The following DAPK2 variants were observed in gnomAD, a reference collection of about 807,000 sequenced individuals.
The protein encoded by DAPK2 is death-associated protein kinase 2.
Under a neutral mutation model 44.1 loss-of-function variants are expected in DAPK2, and 35 were observed. The ratio of observed to expected loss-of-function variants is 0.79; its 90% CI spans 0.61 to 1.05. The LOEUF (loss-of-function observed/expected upper bound fraction) is 1.05. Among genes scored for constraint, DAPK2 ranks in the 50% least tolerant of loss-of-function variants. DAPK2 has a pLI of 0.00. For missense variants in DAPK2, 453 were observed against 483.2 expected (o/e 0.94, Z 0.59); for synonymous variants, 174 against 182.6 (o/e 0.95, Z 0.38).
At chr15:64,028,045 T>TCTCTCTAC (rs1567283544) in intron 1 of DAPK2, among the ~76,000 whole-genome samples, 1 of 151,796 alleles carries the variant, frequency 6.6e-6, no homozygotes, top group East Asian at 1.9e-4. Flanking sequence ...TATCTATCTA[T>TCTCTCTAC]CTATCTATCT....
At chr15:64,012,521 G>A (rs1220222834) in intron 1 of DAPK2, among the ~76,000 whole-genome samples, 1 of 152,196 alleles carries the variant, frequency 6.6e-6, no homozygotes. Context: ...TGTCTATCAA[G>A]ACGGTACTGC....
intron 8 of DAPK2, 36 bp downstream of exon 9, chr15:63,924,780 C>A: frequency 6.2e-7 from 1 of 1,613,304 alleles, no homozygotes; most frequent in Non-Finnish European, 8.5e-7. Flanking sequence ...AGAGCAGGGA[C>A]CCTTTGCCCA....
Position 64,035,151 on chromosome 15 carries a change from G to A in DAPK2, c.92+5019C>T, listed in dbSNP as rs141326190. On this transcript the variant is annotated intron_variant, in intron 1 of 10. Transcript: ENST00000261891. The stretch of plus-strand genomic sequence containing the variant: ...CAACTGCACTCCAGCCTGGGCGACA[G>A]AATGAGGCTCCATCTCAAAAAAAAA... 6.0e-3 allele frequency among the ~76,000 whole-genome samples: 900 copies of A among 148,982 alleles called. 6 individuals are homozygous for A. The highest frequency in any genetic ancestry group is 0.028 in the Middle Eastern group (8 of 290).
In DAPK2 at chr15:63,939,384, A is replaced by T. The variant is rs780185443; in HGVS notation, c.454-23T>A. 2 of 1,566,130 alleles carry T rather than the reference A, an allele frequency of 1.3e-6. No homozygotes were observed. Among genetic ancestry groups the T allele is most frequent in the Non-Finnish European group, 1.7e-6 (2 of 1,163,752 alleles). Reference sequence around the variant, plus strand: ...TGGCTGGACAACAAAAAGTAGAAAAAAAAAAAAGGAAGGAAGAAAAGAAAA... The same window carrying T: ...TGGCTGGACAACAAAAAGTAGAAAATAAAAAAAGGAAGGAAGAAAAGAAAA... On this transcript the variant is annotated intron_variant, in intron 3 of 10. Transcript: ENST00000261891. This position sits in a 1 kb window ranked among gnomAD's most constrained non-coding sequence, Gnocchi z 4.3.
intron 6 of DAPK2, among the ~76,000 whole-genome samples, chr15:63,928,859 G>A (rs1189398351): frequency 6.6e-6 from 1 of 152,164 alleles, no homozygotes; most frequent in African/African-American, 2.4e-5. Flanking sequence ...AAAGAAAGAA[G>A]AGGCAAGATT....
At chr15:64,000,985 T>G (rs1483936543) in intron 1 of DAPK2, among the ~76,000 whole-genome samples, 1 of 152,078 alleles carries the variant, frequency 6.6e-6, no homozygotes, top group Non-Finnish European at 1.5e-5. Flanking sequence ...GTTCAAGCGA[T>G]TCTCCTGCCT....
Position 64,002,096 on chromosome 15 carries a change from G to T in DAPK2, c.93-18342C>A, listed in dbSNP as rs1248560769. On this transcript the variant is annotated intron_variant, in intron 1 of 10. Coordinates refer to ENST00000261891, the Ensembl canonical transcript of DAPK2. ...TTTTACACTCTCAAATCCTTGGGAG[G>T]CTCATGGGGACAGGTATTGCCAACT... is the stretch of plus-strand genomic sequence containing the variant. Among the ~76,000 whole-genome samples the T allele has an allele frequency of 5.9e-5, 9 of 152,178 alleles. No individual in the cohort carries two copies. In the East Asian group the frequency reaches 1.5e-3, roughly 26 times the overall value.
At chr15:64,005,239 G>T (rs1450317197) in intron 1 of DAPK2, among the ~76,000 whole-genome samples, 3 of 152,000 alleles carry the variant, frequency 2.0e-5, no homozygotes, top group Admixed American at 2.0e-4. Context: ...CTCAGGAGGG[G>T]TATCCAGTTA....
chr15:64,039,114 G>C (rs527552635), intron 1 of DAPK2, among the ~76,000 whole-genome samples: 1 of 152,158 alleles, frequency 6.6e-6, no homozygotes, highest in Non-Finnish European at 1.5e-5. Flanking sequence ...ACCAAACTGT[G>C]CTGTGACAAC....
In DAPK2 at chr15:63,908,208, TGAG is replaced by T. The variant is rs1332006303; in HGVS notation, c.*309_*311del. 5 of 216,298 alleles carry T rather than the reference TGAG, an allele frequency of 2.3e-5. No individual in the cohort carries two copies. Among genetic ancestry groups the T allele is most frequent in the Non-Finnish European group, 3.6e-5 (4 of 110,304 alleles). The allele number at this position is 216,298 out of a possible 1,614,324, so 13.4% of individuals were successfully genotyped here. A position where few individuals can be genotyped will look rare whatever the true frequency, so the allele number is the denominator to read the frequency against. On this transcript the variant is annotated 3_prime_UTR_variant, in exon 11 of 11. Coordinates refer to ENST00000261891, the Ensembl canonical transcript of DAPK2. This position sits in a 1 kb window ranked among gnomAD's most constrained non-coding sequence, Gnocchi z 5.7. The stretch of plus-strand genomic sequence containing the variant: ...TAGTCTGACCTTCACCCCGTGATGA[TGAG>T]GATGTCCTTTATATTGTTTTCCTAA...
intron 1 of DAPK2, among the ~76,000 whole-genome samples, chr15:63,997,513 T>C (rs1457047251): frequency 6.6e-6 from 1 of 152,174 alleles, no homozygotes; most frequent in Non-Finnish European, 1.5e-5. Context: ...GTATTTTTAG[T>C]AGACATGCGG....
intron 8 of DAPK2, among the ~76,000 whole-genome samples, chr15:63,924,294 C>T (rs187612042): frequency 4.5e-4 from 68 of 152,244 alleles, no homozygotes; most frequent in African/African-American, 1.5e-3. Context: ...ACAGAATTGC[C>T]CTAACAGTGG....
chr15:63,933,111 A>G (rs1028105076), intron 4 of DAPK2, among the ~76,000 whole-genome samples: 1 of 152,386 alleles, frequency 6.6e-6, no homozygotes, highest in South Asian at 2.1e-4. Flanking sequence ...TCTGCAGACG[A>G]ATAGTCCACA....
rs1343756370 is a variant in DAPK2, at chr15:63,922,906, C to T, written c.858+1910G>A. Reference sequence around the variant, plus strand: ...TCCACTGCAGGTCTGCGGAGAGCTCCTGCCTCAGAATCTCAAACTGGGCTT... The same window carrying T: ...TCCACTGCAGGTCTGCGGAGAGCTCTTGCCTCAGAATCTCAAACTGGGCTT... On this transcript the variant is annotated intron_variant, in intron 8 of 10. Coordinates refer to ENST00000261891, the Ensembl canonical transcript of DAPK2. 4.6e-6 allele frequency: 7 copies of T among 1,535,812 alleles called. No homozygotes were observed. In the African/African-American group the frequency reaches 9.6e-5, roughly 21 times the overall value.
At chr15:64,012,490 G>A (rs560981405) in intron 1 of DAPK2, among the ~76,000 whole-genome samples, 12 of 152,140 alleles carry the variant, frequency 7.9e-5, no homozygotes, top group Non-Finnish European at 4.4e-5. Context: ...AAAAAGATGC[G>A]CATTTCAGCA....
rs538461152 is a variant in DAPK2, at chr15:63,937,777, G to C, written c.583+1455C>G. 4.6e-5 allele frequency among the ~76,000 whole-genome samples: 7 copies of C among 152,246 alleles called. No individual in the cohort carries two copies. The South Asian group carries it at 1.5e-3, about 32-fold the overall frequency. On this transcript the variant is annotated intron_variant, in intron 4 of 10. Coordinates refer to ENST00000261891, the Ensembl canonical transcript of DAPK2. ...TCTTCCTTATTGCTCTCAGTTTCTA[G>C]TTGTTTATTGTTATTTAACAATTAT...
intron 1 of DAPK2, among the ~76,000 whole-genome samples, chr15:64,036,130 A>G (rs760100276): frequency 2.0e-5 from 3 of 151,026 alleles, no homozygotes; most frequent in Non-Finnish European, 4.4e-5. Flanking sequence ...ACATGGTAGC[A>G]CGCACCTGTA....
intron 1 of DAPK2, among the ~76,000 whole-genome samples, chr15:64,034,207 T>C (rs887736543): frequency 2.1e-5 from 1 of 47,158 alleles, no homozygotes; most frequent in Non-Finnish European, 5.5e-5. Context: ...ACTGGGCTAT[T>C]GAACCAGCCT....
At chr15:64,026,397 C>T (rs1351080796) in intron 1 of DAPK2, among the ~76,000 whole-genome samples, 3 of 152,116 alleles carry the variant, frequency 2.0e-5, no homozygotes, top group Non-Finnish European at 4.4e-5. Flanking sequence ...GCGCATGCCA[C>T]CACACCAGGC....
Sources: allele counts gnomAD v4.1 joint callset (sites outside exome capture counted in the v4.1 genomes callset), GRCh38; gene constraint gnomAD v4.1.1; non-coding constraint Gnocchi (gnomAD v3.1); transcripts MANE v1.5; gene names NCBI Gene and HGNC (gene_info 2026-07-23, HGNC 2026-07-21).